Variants in DUSP22 observed in about 807,000 individuals in gnomAD.
DUSP22 encodes the protein dual specificity phosphatase 22, also known as dual specificity protein phosphatase 22.
A neutral mutation model predicts 24.5 loss-of-function variants in DUSP22; 24 were observed. The observed-to-expected ratio is 0.98, with a 90% CI of 0.71 to 1.38. DUSP22 has a LOEUF of 1.38. DUSP22 is among the 40% of genes most tolerant of loss of function. The pLI is 0.00. For synonymous variants in DUSP22, 160 were observed against 106.4 expected, an observed-to-expected ratio of 1.50 and a Z score of -3.10; for missense variants, 330 against 269.2, an observed-to-expected ratio of 1.23 and a Z score of -1.58.
Position 350,842 on chromosome 6 carries a change from T to A in DUSP22, c.*1891T>A. The A allele has an allele frequency of 6.2e-7, 1 of 1,614,280 alleles. No homozygotes were observed. Among genetic ancestry groups the A allele is most frequent in the Non-Finnish European group, 8.5e-7 (1 of 1,180,034 alleles). On this transcript the variant is annotated 3_prime_UTR_variant, in exon 7 of 7. Coordinates refer to ENST00000419235, the MANE Select transcript of DUSP22 (RefSeq NM_001286555.3). ...CACAGCCGCTCCGGGAATTCTGAAGTTCTGGGCCTTTCTCAGAAGACTGTA... is the reference window on the plus strand; with the variant it reads ...CACAGCCGCTCCGGGAATTCTGAAGATCTGGGCCTTTCTCAGAAGACTGTA...
intron 4 of DUSP22, among the ~76,000 whole-genome samples, chr6:345,330 C>G (rs1287667906): frequency 6.6e-6 from 1 of 152,414 alleles, no homozygotes; most frequent in African/African-American, 2.4e-5. Context: ...CTACCTCAGC[C>G]TCCCTGGTAG....
At chr6:348,659 C>T in intron 6 of DUSP22, 110 bp from the exon 7 acceptor site, 1 of 1,529,354 alleles carries the variant, frequency 6.5e-7, no homozygotes, top group Non-Finnish European at 8.9e-7. Context: ...CTGTTTGTTT[C>T]CCTGGTTATG....
intron 1 of DUSP22, among the ~76,000 whole-genome samples, chr6:303,492 T>C (rs972042954): frequency 6.6e-6 from 1 of 152,310 alleles, no homozygotes; most frequent in African/African-American, 2.4e-5. Flanking sequence ...AGGAAGATGC[T>C]TGAAGAAATC....
intron 3 of DUSP22, 116 bp downstream of exon 3, chr6:312,078 C>G (rs1428728749): frequency 1.8e-6 from 2 of 1,124,394 alleles, no homozygotes; most frequent in African/African-American, 3.1e-5. Context: ...CCTGTGATCT[C>G]TGGCGGCATT....
At chr6:327,891 T>C (rs1359586553) in intron 3 of DUSP22, among the ~76,000 whole-genome samples, 2 of 152,158 alleles carry the variant, frequency 1.3e-5, no homozygotes, top group Non-Finnish European at 2.9e-5. Context: ...GAGCGAGGGG[T>C]GGTAGGAGGG....
In DUSP22 at chr6:292,686, G is replaced by A. The variant is rs957677751; in HGVS notation, c.21+126G>A. On this transcript the variant is annotated intron_variant, in intron 1 of 6. Coordinates refer to ENST00000419235, the MANE Select transcript of DUSP22 (RefSeq NM_001286555.3). ...CCCGCGGTGGGGACGGGCGCGGAGGGAGGGGCGGCGCGCCTGGGCGGCGAC... is the reference window on the plus strand; with the variant it reads ...CCCGCGGTGGGGACGGGCGCGGAGGAAGGGGCGGCGCGCCTGGGCGGCGAC... The A allele has an allele frequency of 4.5e-6, 6 of 1,336,538 alleles. No homozygotes were observed. In the East Asian group the frequency reaches 1.8e-4, roughly 40 times the overall value. 82.8% of individuals were successfully genotyped at this position (1,336,538 alleles called of 1,614,324 possible). A position where few individuals can be genotyped will look rare whatever the true frequency, so the allele number is the denominator to read the frequency against.
chr6:345,968 T>A (rs368343297), intron 5 of DUSP22, 40 bp downstream of exon 5: 4 of 1,608,724 alleles, frequency 2.5e-6, no homozygotes, highest in African/African-American at 2.7e-5. Flanking sequence ...TAGCGTATTC[T>A]GGTCGGCTTG....
chr6:301,780 C>T (rs1169490999), intron 1 of DUSP22, among the ~76,000 whole-genome samples: 11 of 152,412 alleles, frequency 7.2e-5, no homozygotes, highest in African/African-American at 2.4e-4. Context: ...GACTTGACAA[C>T]GGTGGTGGGA....
chr6:302,989 G>C (rs759755137), intron 1 of DUSP22, among the ~76,000 whole-genome samples: 1 of 152,296 alleles, frequency 6.6e-6, no homozygotes, highest in African/African-American at 2.4e-5. Context: ...GGACTCGGTC[G>C]GGCAAGGACC....
intron 4 of DUSP22, among the ~76,000 whole-genome samples, chr6:341,660 G>A (rs970103140): frequency 3.3e-5 from 5 of 152,420 alleles, no homozygotes; most frequent in East Asian, 1.9e-4. Flanking sequence ...CTGGGGTGGC[G>A]CCGCGAATGG....
chr6:348,347 C>A, intron 6 of DUSP22, 73 bp downstream of exon 6: 1 of 1,590,600 alleles, frequency 6.3e-7, no homozygotes, highest in Non-Finnish European at 8.6e-7. Flanking sequence ...TTTCCGTACA[C>A]AGCCAGCATC....
chr6:318,645 C>G (rs1254496190), intron 3 of DUSP22, among the ~76,000 whole-genome samples: 2 of 152,308 alleles, frequency 1.3e-5, no homozygotes, highest in Non-Finnish European at 2.9e-5. Context: ...CTGTCCAGAA[C>G]CTGCAAGTCA....
Position 350,839 on chromosome 6 carries a change from A to T in DUSP22, c.*1888A>T. 6.2e-7 allele frequency: 1 copy of T among 1,614,282 alleles called. No individual in the cohort carries two copies. The highest frequency in any genetic ancestry group is 8.5e-7 in the Non-Finnish European group (1 of 1,180,036). On this transcript the variant is annotated 3_prime_UTR_variant, in exon 7 of 7. Coordinates refer to ENST00000419235, the MANE Select transcript of DUSP22 (RefSeq NM_001286555.3). The stretch of plus-strand genomic sequence containing the variant: ...CTTCACAGCCGCTCCGGGAATTCTG[A>T]AGTTCTGGGCCTTTCTCAGAAGACT...
At chr6:308,524 A>G (rs1227967863) in intron 2 of DUSP22, among the ~76,000 whole-genome samples, 1 of 152,288 alleles carries the variant, frequency 6.6e-6, no homozygotes, top group Non-Finnish European at 1.5e-5. Flanking sequence ...GGAAGAGGGG[A>G]GGTGCTGGCC....
In DUSP22 at chr6:320,650, CTT is replaced by C. The variant is rs1314918920; in HGVS notation, c.138+8690_138+8691del. ...CATGGGCTGGGAGATTTGGGGAAGA[CTT>C]TGTAAAGAGAGGGGTGTTGAGGCAG... On this transcript the variant is annotated intron_variant, in intron 3 of 6. Coordinates refer to ENST00000419235, the MANE Select transcript of DUSP22 (RefSeq NM_001286555.3). Among the ~76,000 whole-genome samples the C allele has an allele frequency of 3.9e-5, 6 of 152,408 alleles. No individual in the cohort carries two copies. In the South Asian group the frequency reaches 8.3e-4, roughly 21 times the overall value.
intron 3 of DUSP22, chr6:319,998 A>C (rs1197449861): frequency 6.6e-6 from 1 of 152,500 alleles, no homozygotes; most frequent in Non-Finnish European, 1.5e-5. Flanking sequence ...CTCGTGTGGC[A>C]GTCGGGTGTG....
intron 4 of DUSP22, among the ~76,000 whole-genome samples, chr6:345,053 G>A (rs58617087): frequency 0.11 from 15,510 of 147,302 alleles, 43 homozygotes; most frequent in East Asian, 0.23. Context: ...TTCTTACAGA[G>A]AAATTCCAAA....
chr6:341,208 G>A (rs1218754668), intron 4 of DUSP22, among the ~76,000 whole-genome samples: 1 of 152,310 alleles, frequency 6.6e-6, no homozygotes, highest in African/African-American at 2.4e-5. Flanking sequence ...TCCTTGTGCA[G>A]CATTCGCTGG....
rs12154183 is a variant in DUSP22 at position 350,724 on chromosome 6, G to A, written c.*1773G>A. ...AAATGATTTAGGATATAGCTTGAATGCTTAAATATGTGCACCTTTACAAAC... is the reference window on the plus strand; with the variant it reads ...AAATGATTTAGGATATAGCTTGAATACTTAAATATGTGCACCTTTACAAAC... On this transcript the variant is annotated 3_prime_UTR_variant, in exon 7 of 7. Transcript: ENST00000419235. 29,828 of 1,591,400 alleles carry A rather than the reference G, an allele frequency of 0.019. No homozygotes were observed. Among genetic ancestry groups the A allele is most frequent in the Non-Finnish European group, 0.021 (24,410 of 1,162,220 alleles).
Sources: allele counts gnomAD v4.1 joint callset (sites outside exome capture counted in the v4.1 genomes callset), GRCh38; gene constraint gnomAD v4.1.1; transcripts MANE v1.5; gene names NCBI Gene and HGNC (gene_info 2026-07-23, HGNC 2026-07-21).